ABTB3: variants seen among roughly 807,000 people sequenced by gnomAD.
ABTB3 encodes the protein ankyrin repeat- and BTB/POZ domain-containing protein 3.
chr12:107,606,131 G>A, the ABTB3 span, among the ~76,000 whole-genome samples: 4 of 152,120 alleles, frequency 2.6e-5, no homozygotes. Flanking sequence ...AGGGCAGGAT[G>A]GGGGGTCAGG....
chr12:107,348,742 G>C, the ABTB3 span, among the ~76,000 whole-genome samples: 17 of 152,184 alleles, frequency 1.1e-4, no homozygotes, highest in South Asian at 2.9e-3. Flanking sequence ...AGAGAAATCT[G>C]TTCAAGGTCC....
the ABTB3 span, among the ~76,000 whole-genome samples, chr12:107,343,067 T>G: frequency 1.3e-5 from 2 of 152,082 alleles, no homozygotes; most frequent in Admixed American, 6.5e-5. Flanking sequence ...CAGGCTGGAG[T>G]GCAGGGGCAC....
At chr12:107,412,657 C>T in the ABTB3 span, among the ~76,000 whole-genome samples, 2 of 152,146 alleles carry the variant, frequency 1.3e-5, no homozygotes, top group African/African-American at 2.4e-5. Flanking sequence ...AAGCCTAGTG[C>T]CTGCCTAGTG....
chr12:107,448,645 C>T, the ABTB3 span, among the ~76,000 whole-genome samples: 6,245 of 133,880 alleles, frequency 0.047, 234 homozygotes, highest in African/African-American at 0.14. Flanking sequence ...TTCTTTCTTT[C>T]TTTTTTTTTT....
At chr12:107,386,978 C>CT in the ABTB3 span, among the ~76,000 whole-genome samples, 1,170 of 133,990 alleles carry the variant, frequency 8.7e-3, 15 homozygotes, top group African/African-American at 0.021. Context: ...CAGCTACATT[C>CT]TTTTTTTTTT....
the ABTB3 span, among the ~76,000 whole-genome samples, chr12:107,345,385 G>A: frequency 2.6e-5 from 4 of 152,166 alleles, no homozygotes; most frequent in Non-Finnish European, 4.4e-5. Context: ...GATTTGCCCA[G>A]CAAAGAGAAT....
chr12:107,482,924 CTTTCTT>C, the ABTB3 span, among the ~76,000 whole-genome samples: 2 of 27,748 alleles, frequency 7.2e-5, no homozygotes, highest in African/African-American at 4.4e-4. Flanking sequence ...TTCTTTCTTT[CTTTCTT>C]TCTTTCTTTC....
the ABTB3 span, among the ~76,000 whole-genome samples, chr12:107,606,523 C>G: frequency 2.1e-4 from 32 of 152,106 alleles, no homozygotes; most frequent in African/African-American, 7.5e-4. Flanking sequence ...CCCAGCATAC[C>G]GTAGGTGCCC....
At chr12:107,480,929 A>G in the ABTB3 span, among the ~76,000 whole-genome samples, 1 of 152,216 alleles carries the variant, frequency 6.6e-6, no homozygotes, top group African/African-American at 2.4e-5. Context: ...GATAGAGTTC[A>G]GTGGGAAGAG....
the ABTB3 span, among the ~76,000 whole-genome samples, chr12:107,644,838 G>C: frequency 6.6e-6 from 1 of 152,242 alleles, no homozygotes; most frequent in African/African-American, 2.4e-5. Flanking sequence ...GCAGTACATG[G>C]ATGAAGCTGG....
At chr12:107,349,942 A>C in the ABTB3 span, among the ~76,000 whole-genome samples, 1 of 152,196 alleles carries the variant, frequency 6.6e-6, no homozygotes, top group Non-Finnish European at 1.5e-5. Flanking sequence ...ATCCAGACCC[A>C]TGCTTGCTGA....
the ABTB3 span, among the ~76,000 whole-genome samples, chr12:107,429,673 C>T: frequency 6.6e-6 from 1 of 152,326 alleles, no homozygotes; most frequent in East Asian, 1.9e-4. Context: ...CTCCAGGGCT[C>T]TGCACACAAG....
chr12:107,432,154 T>C, the ABTB3 span, among the ~76,000 whole-genome samples: 1 of 152,196 alleles, frequency 6.6e-6, no homozygotes, highest in East Asian at 1.9e-4. Context: ...TAATATGGGT[T>C]TGGCACAACA....
At chr12:107,566,500 G>A in the ABTB3 span, among the ~76,000 whole-genome samples, 1 of 152,164 alleles carries the variant, frequency 6.6e-6, no homozygotes, top group Non-Finnish European at 1.5e-5. Context: ...TAAAAAACAT[G>A]TCATTAAGAG....
chr12:107,433,930 C>A, the ABTB3 span, among the ~76,000 whole-genome samples: 2 of 152,168 alleles, frequency 1.3e-5, no homozygotes, highest in Non-Finnish European at 2.9e-5. Flanking sequence ...AACTTCTTGT[C>A]CTGCCCTCAC....
chr12:107,653,091 T>C, the ABTB3 span, among the ~76,000 whole-genome samples: 1 of 152,168 alleles, frequency 6.6e-6, no homozygotes, highest in Non-Finnish European at 1.5e-5. Flanking sequence ...AGAGTTATTT[T>C]ATTTTAGGAG....
the ABTB3 span, among the ~76,000 whole-genome samples, chr12:107,405,546 G>A: frequency 6.4e-3 from 981 of 152,360 alleles, 10 homozygotes; most frequent in African/African-American, 0.022. Flanking sequence ...GAGCTGGCAC[G>A]GCTGTCCGGG....
At chr12:107,409,967 A>G in the ABTB3 span, among the ~76,000 whole-genome samples, 2 of 152,254 alleles carry the variant, frequency 1.3e-5, no homozygotes, top group East Asian at 1.9e-4. Flanking sequence ...ACAACAGAGC[A>G]TTAAATCAAC....
chr12:107,596,723 G>A, the ABTB3 span, among the ~76,000 whole-genome samples: 1 of 152,040 alleles, frequency 6.6e-6, no homozygotes, highest in Non-Finnish European at 1.5e-5. Context: ...TTTCCCCTCT[G>A]CATCCAGGCC....
Sources: gnomAD v4.1 joint callset for allele counts (sites outside exome capture counted in the v4.1 genomes callset) on GRCh38, gnomAD v4.1.1 for gene constraint, MANE v1.5 for transcripts, NCBI Gene and HGNC (gene_info 2026-07-23, HGNC 2026-07-21) for gene names.